NLGN1: variants seen among roughly 807,000 people sequenced by gnomAD.
The protein encoded by NLGN1 is neuroligin 1, also known as neuroligin-1.
Under a neutral mutation model 65.5 loss-of-function variants are expected in NLGN1, and 12 were observed. The ratio of observed to expected loss-of-function variants is 0.18; its 90% CI spans 0.12 to 0.30. The LOEUF is 0.30. Among genes scored for constraint, NLGN1 ranks in the 10% least tolerant of loss-of-function variants. The pLI is 1.00. For synonymous variants in NLGN1, 350 were observed against 359.5 expected, an observed-to-expected ratio of 0.97 and a Z score of 0.30; for missense variants, 750 against 1,007.1, an observed-to-expected ratio of 0.74 and a Z score of 3.46.
intron 3 of NLGN1, among the ~76,000 whole-genome samples, chr3:173,648,349 A>G (rs935534871): frequency 2.6e-5 from 4 of 152,214 alleles, no homozygotes; most frequent in Admixed American, 2.6e-4. Flanking sequence ...TATTTAAACA[A>G]TGCTTCACCA....
intron 4 of NLGN1, among the ~76,000 whole-genome samples, chr3:174,004,606 A>G (rs1723988643): frequency 6.6e-6 from 1 of 152,210 alleles, no homozygotes. Flanking sequence ...ATGTGGAAGA[A>G]GAATCTCTGT....
At chr3:173,597,963 G>C (rs1577456255) in intron 2 of NLGN1, among the ~76,000 whole-genome samples, 4 of 152,096 alleles carry the variant, frequency 2.6e-5, no homozygotes, top group African/African-American at 7.2e-5. Flanking sequence ...TATCTGATTA[G>C]ATGGCCATTA....
chr3:173,923,603 C>A (rs1288175383), intron 4 of NLGN1, among the ~76,000 whole-genome samples: 1 of 151,998 alleles, frequency 6.6e-6, no homozygotes, highest in Non-Finnish European at 1.5e-5. Context: ...CTTAGAGTTA[C>A]CTGAATGATG....
intron 2 of NLGN1, among the ~76,000 whole-genome samples, chr3:173,586,600 A>G (rs909933790): frequency 1.3e-5 from 2 of 152,236 alleles, no homozygotes; most frequent in Non-Finnish European, 2.9e-5. Context: ...GAAAAGGTAG[A>G]TATTTCTTAT....
At chr3:174,243,751 T>G (rs1024919524) in intron 4 of NLGN1, among the ~76,000 whole-genome samples, 1 of 152,190 alleles carries the variant, frequency 6.6e-6, no homozygotes, top group Non-Finnish European at 1.5e-5. Context: ...ACATTCTATT[T>G]GAATAGTATG....
intron 2 of NLGN1, among the ~76,000 whole-genome samples, chr3:173,438,486 G>C (rs1429452216): frequency 2.0e-5 from 3 of 152,112 alleles, no homozygotes. Flanking sequence ...TGGGCTCACA[G>C]ATCCAATATG....
chr3:173,475,800 A>G (rs1050508400), intron 2 of NLGN1, among the ~76,000 whole-genome samples: 4 of 152,202 alleles, frequency 2.6e-5, no homozygotes, highest in African/African-American at 9.6e-5. Context: ...GATGTGATGT[A>G]AATACTCTAA....
intron 3 of NLGN1, among the ~76,000 whole-genome samples, chr3:173,673,168 A>C (rs1762677065): frequency 6.6e-6 from 1 of 152,188 alleles, no homozygotes; most frequent in African/African-American, 2.4e-5. Flanking sequence ...ATATATGATC[A>C]GAATGGTATT....
chr3:173,477,897 GA>G (rs149956308), intron 2 of NLGN1, among the ~76,000 whole-genome samples: 1 of 152,054 alleles, frequency 6.6e-6, no homozygotes, highest in African/African-American at 2.4e-5. Context: ...AGAAAGTCAA[GA>G]AAAAATAGAT....
intron 3 of NLGN1, among the ~76,000 whole-genome samples, chr3:173,681,773 C>T (rs577738821): frequency 1.3e-5 from 2 of 152,294 alleles, no homozygotes; most frequent in South Asian, 4.1e-4. Context: ...CAGTAACCCC[C>T]CTCACAGGGA....
chr3:174,263,719 T>A (rs918198294), intron 4 of NLGN1, among the ~76,000 whole-genome samples: 2 of 151,912 alleles, frequency 1.3e-5, no homozygotes, highest in African/African-American at 4.8e-5. Context: ...AATTTGATCC[T>A]GTCATTATGA....
chr3:173,461,361 A>T (rs909059243), intron 2 of NLGN1, among the ~76,000 whole-genome samples: 3 of 149,318 alleles, frequency 2.0e-5, no homozygotes, highest in African/African-American at 7.4e-5. Context: ...ATTTGTTTTT[A>T]TTTTTTTTTT....
intron 3 of NLGN1, among the ~76,000 whole-genome samples, chr3:173,691,401 A>C (rs868840124): frequency 3.9e-5 from 6 of 152,118 alleles, no homozygotes; most frequent in Admixed American, 3.9e-4. Flanking sequence ...TTAATTTATA[A>C]TAGGCTCTTT....
At chr3:173,436,017 A>G (rs928986532) in intron 2 of NLGN1, among the ~76,000 whole-genome samples, 10 of 152,182 alleles carry the variant, frequency 6.6e-5, no homozygotes, top group Admixed American at 6.5e-5. Context: ...ACCCCAAACC[A>G]AACTGATTAA....
At chr3:173,417,768 A>G (rs1369677521) in intron 1 of NLGN1, among the ~76,000 whole-genome samples, 1 of 152,026 alleles carries the variant, frequency 6.6e-6, no homozygotes, top group African/African-American at 2.4e-5. Flanking sequence ...TTGTAATACA[A>G]AACATAAAGG....
chr3:173,441,684 T>C (rs1719234927), intron 2 of NLGN1, among the ~76,000 whole-genome samples: 1 of 152,090 alleles, frequency 6.6e-6, no homozygotes. Context: ...AGATCACTGA[T>C]CACAGATCAA....
At chr3:173,873,523 A>C (rs1731568851) in intron 4 of NLGN1, among the ~76,000 whole-genome samples, 1 of 152,262 alleles carries the variant, frequency 6.6e-6, no homozygotes, top group South Asian at 2.1e-4. Flanking sequence ...AAGCATGTGT[A>C]ATTGTAGATT....
At chr3:174,101,232 C>T (rs993257757) in intron 4 of NLGN1, among the ~76,000 whole-genome samples, 4 of 152,080 alleles carry the variant, frequency 2.6e-5, no homozygotes, top group Admixed American at 6.6e-5. Context: ...AATGTAGGCA[C>T]ATTAAAATGT....
Position 174,093,335 on chromosome 3 carries a change from G to C in NLGN1, c.647-181980G>C, listed in dbSNP as rs573804984. Among the ~76,000 whole-genome samples, 90 of 152,292 alleles carry C rather than the reference G, an allele frequency of 5.9e-4. 1 individual carries two copies. The South Asian group carries it at 0.018, about 30-fold the overall frequency. On this transcript the variant is annotated intron_variant, in intron 4 of 6. Transcript: ENST00000457714. ...AATAAAGATACCTGTTTACAGAATA[G>C]TGCTTTCTTTACTAAAATTCTACAT...
Sources: gnomAD v4.1 joint callset for allele counts (sites outside exome capture counted in the v4.1 genomes callset) on GRCh38, gnomAD v4.1.1 for gene constraint, MANE v1.5 for transcripts, NCBI Gene and HGNC (gene_info 2026-07-23, HGNC 2026-07-21) for gene names.